Variants in TEC observed in about 807,000 individuals in gnomAD.
TEC encodes the protein tec protein tyrosine kinase, also known as tyrosine-protein kinase Tec.
A neutral mutation model predicts 93.0 loss-of-function variants in TEC; 72 were observed. The ratio of observed to expected loss-of-function variants is 0.77; its 90% CI spans 0.64 to 0.94. The LOEUF is 0.94. Among genes scored for constraint, TEC ranks in the 40% least tolerant of loss-of-function variants. TEC has a pLI of 0.00. For synonymous variants in TEC, 249 were observed against 247.7 expected (o/e 1.01, Z -0.05); for missense variants, 630 against 757.9 (o/e 0.83, Z 1.98).
At chr4:48,231,327 G>A (rs182482571) in intron 1 of TEC, among the ~76,000 whole-genome samples, 100 of 152,246 alleles carry the variant, frequency 6.6e-4, no homozygotes, top group South Asian at 8.3e-4. Context: ...ATCTAAGTTG[G>A]TCTTCCTTAT....
chr4:48,252,367 C>T (rs1265400134), intron 1 of TEC, among the ~76,000 whole-genome samples: 1 of 152,224 alleles, frequency 6.6e-6, no homozygotes, highest in East Asian at 1.9e-4. Flanking sequence ...TAGTATCTCA[C>T]TGAGTCTGTT....
intron 14 of TEC, 38 bp from the exon 15 acceptor site, chr4:48,141,457 A>C: frequency 6.3e-7 from 1 of 1,585,532 alleles, no homozygotes; most frequent in Non-Finnish European, 8.6e-7. Context: ...TAGTTTAAAA[A>C]TTCTATCATT....
At chr4:48,160,554 C>G (rs982705525) in intron 8 of TEC, among the ~76,000 whole-genome samples, 1 of 151,942 alleles carries the variant, frequency 6.6e-6, no homozygotes, top group African/African-American at 2.4e-5. Context: ...TATTGAAACC[C>G]TGTCTCTACT....
intron 1 of TEC, among the ~76,000 whole-genome samples, chr4:48,237,574 A>G (rs989785186): frequency 3.3e-5 from 5 of 152,222 alleles, no homozygotes; most frequent in Admixed American, 6.5e-5. Flanking sequence ...TGGACTATTT[A>G]TAAGAGCAAG....
chr4:48,190,749 A>C (rs1722064671), intron 2 of TEC, among the ~76,000 whole-genome samples: 1 of 152,210 alleles, frequency 6.6e-6, no homozygotes, highest in Non-Finnish European at 1.5e-5. Flanking sequence ...CTGTCTCCTG[A>C]GACTAATAAG....
intron 2 of TEC, among the ~76,000 whole-genome samples, chr4:48,199,739 T>A (rs947687336): frequency 1.3e-5 from 2 of 152,188 alleles, no homozygotes; most frequent in Non-Finnish European, 1.5e-5. Context: ...AGTGCTGGGA[T>A]TACAGGCATG....
At chr4:48,211,861 G>A (rs1722910985) in intron 2 of TEC, among the ~76,000 whole-genome samples, 1 of 151,990 alleles carries the variant, frequency 6.6e-6, no homozygotes, top group Non-Finnish European at 1.5e-5. Context: ...ACTTTGGGAG[G>A]CCGAGGTAGG....
chr4:48,170,784 C>A (rs1189040351), intron 4 of TEC, among the ~76,000 whole-genome samples: 3 of 152,208 alleles, frequency 2.0e-5, no homozygotes, highest in Admixed American at 6.5e-5. Context: ...GGTGCAGCGG[C>A]TCATGTCTAT....
chr4:48,161,574 T>TATTC (rs562568153), intron 8 of TEC, among the ~76,000 whole-genome samples: 1 of 146,974 alleles, frequency 6.8e-6, no homozygotes, highest in Non-Finnish European at 1.5e-5. Flanking sequence ...CAAAGAGAAC[T>TATTC]ATTCACTCCA....
chr4:48,199,359 CA>C (rs1237395453), intron 2 of TEC, among the ~76,000 whole-genome samples: 1 of 151,226 alleles, frequency 6.6e-6, no homozygotes, highest in Non-Finnish European at 1.5e-5. Context: ...TCACATGACA[CA>C]AAACAAATCT....
intron 2 of TEC, among the ~76,000 whole-genome samples, chr4:48,212,110 A>AAATAT: frequency 0.028 from 3,369 of 122,054 alleles, 97 homozygotes; most frequent in Middle Eastern, 0.056. Flanking sequence ...AAAAAAAAAA[A>AAATAT]ATATATATAT....
intron 1 of TEC, among the ~76,000 whole-genome samples, chr4:48,244,395 G>A (rs1272156753): frequency 2.6e-5 from 4 of 152,174 alleles, no homozygotes; most frequent in African/African-American, 2.4e-5. Context: ...CGTGGATGGC[G>A]GCAGGCAAAG....
At chr4:48,155,353 A>C (rs1216861352) in intron 9 of TEC, among the ~76,000 whole-genome samples, 2 of 152,218 alleles carry the variant, frequency 1.3e-5, no homozygotes, top group African/African-American at 4.8e-5. Flanking sequence ...GGAAGTTGGA[A>C]TGCTGGTAGG....
intron 2 of TEC, among the ~76,000 whole-genome samples, chr4:48,205,342 T>C (rs567840573): frequency 6.6e-6 from 1 of 152,290 alleles, no homozygotes; most frequent in African/African-American, 2.4e-5. Context: ...GAGAGCCCAC[T>C]GTGCATGCCG....
intron 2 of TEC, among the ~76,000 whole-genome samples, chr4:48,192,859 G>C (rs1029693054): frequency 1.3e-5 from 2 of 152,130 alleles, no homozygotes; most frequent in Admixed American, 1.3e-4. Context: ...TACCAAGGCT[G>C]CTGCTTGGTC....
intron 2 of TEC, among the ~76,000 whole-genome samples, chr4:48,190,939 G>A (rs1455852445): frequency 6.6e-6 from 1 of 152,126 alleles, no homozygotes; most frequent in East Asian, 1.9e-4. Flanking sequence ...GCTGCTAGGG[G>A]ACTTTTTAAA....
chr4:48,253,811 G>A (rs1197125899), intron 1 of TEC, among the ~76,000 whole-genome samples: 1 of 152,020 alleles, frequency 6.6e-6, no homozygotes, highest in Non-Finnish European at 1.5e-5. Context: ...CCGACCTCAG[G>A]TGATCCACCT....
chr4:48,247,564 A>C (rs1300930475), intron 1 of TEC, among the ~76,000 whole-genome samples: 4 of 152,246 alleles, frequency 2.6e-5, no homozygotes. Flanking sequence ...TACCCTAAAA[A>C]GGAATGAAAT....
chr4:48,138,827 A>G lies in TEC; in HGVS notation c.1655-5T>C, dbSNP rs1260024225. The G allele has an allele frequency of 1.2e-6, 2 of 1,613,446 alleles. No homozygotes were observed. The highest frequency in any genetic ancestry group is 2.2e-5 in the South Asian group (2 of 91,004). On this transcript the variant is annotated splice_polypyrimidine_tract_variant and splice_region_variant and intron_variant, in intron 16 of 17. Transcript: ENST00000381501. ...ATACTTCCCACATTAAAACACCTGGAAAAGGATAAGGATTACCAAATGGAT... is the reference window on the plus strand; with the variant it reads ...ATACTTCCCACATTAAAACACCTGGGAAAGGATAAGGATTACCAAATGGAT...
Sources: allele counts gnomAD v4.1 joint callset (sites outside exome capture counted in the v4.1 genomes callset), GRCh38; gene constraint gnomAD v4.1.1; transcripts MANE v1.5; gene names NCBI Gene and HGNC (gene_info 2026-07-23, HGNC 2026-07-21).